The following INVS variants were observed in gnomAD, a reference collection of about 807,000 sequenced individuals.
INVS encodes the protein inversin.
In INVS, 86 loss-of-function variants were observed where a neutral mutation model predicts 108.8. That is an observed-to-expected ratio of 0.79 (90% CI 0.66 to 0.95). The LOEUF (loss-of-function observed/expected upper bound fraction) is 0.95. Among genes scored for constraint, INVS ranks in the 40% least tolerant of loss-of-function variants. The probability of loss-of-function intolerance (pLI) is 0.00; values close to 1 mark genes in which losing one functional copy is unlikely to be tolerated. For missense variants in INVS, 1,169 were observed against 1,297.4 expected (o/e 0.90, Z 1.52); for synonymous variants, 455 against 473.5 (o/e 0.96, Z 0.51).
chr9:100,285,288 T>C (rs539010760), intron 13 of INVS, among the ~76,000 whole-genome samples: 12 of 152,246 alleles, frequency 7.9e-5, no homozygotes, highest in Non-Finnish European at 1.8e-4. Context: ...AAATCCACTG[T>C]CATTCAAATT....
intron 3 of INVS, among the ~76,000 whole-genome samples, chr9:100,214,358 C>T (rs1830924726): frequency 2.0e-5 from 3 of 152,092 alleles, no homozygotes; most frequent in African/African-American, 2.4e-5. Context: ...AAAGCAACCC[C>T]CAAGCTCAAA....
At chr9:100,272,749 T>C (rs1270337550) in intron 11 of INVS, 115 bp from the exon 12 acceptor site, 1 of 990,466 alleles carries the variant, frequency 1.0e-6, no homozygotes, top group African/African-American at 1.6e-5. Context: ...GCCTGGGGAA[T>C]ATTCCACATC....
rs1830002025 is a variant in INVS, at chr9:100,184,633, A to G, written c.274-41429A>G. Among the ~76,000 whole-genome samples, 11 of 152,144 alleles carry G rather than the reference A, an allele frequency of 7.2e-5. No homozygotes were observed. The South Asian group carries it at 2.3e-3, about 31-fold the overall frequency. On this transcript the variant is annotated intron_variant, in intron 3 of 16. Transcript: ENST00000262457. ...TCCTGTTACTACAGTTCTTGAAAATAGTTGGGTGGCCTTTTGCTACATTGG... is the reference window on the plus strand; with the variant it reads ...TCCTGTTACTACAGTTCTTGAAAATGGTTGGGTGGCCTTTTGCTACATTGG...
chr9:100,269,280 G>T (rs1039396806), intron 11 of INVS, among the ~76,000 whole-genome samples: 1 of 152,054 alleles, frequency 6.6e-6, no homozygotes. Flanking sequence ...ATTCAATTTA[G>T]CTCTACTATT....
chr9:100,262,656 A>C (rs1303083611), intron 10 of INVS, among the ~76,000 whole-genome samples: 1 of 151,516 alleles, frequency 6.6e-6, no homozygotes, highest in East Asian at 1.9e-4. Flanking sequence ...AAAAAAAAAA[A>C]AAAAACTTGA....
intron 2 of INVS, among the ~76,000 whole-genome samples, chr9:100,115,279 T>C (rs889596791): frequency 6.7e-6 from 1 of 148,798 alleles, no homozygotes; most frequent in Non-Finnish European, 1.5e-5. Context: ...TTAATTTCTC[T>C]TTTTTTATTT....
chr9:100,166,484 CTG>C (rs1180860591), intron 3 of INVS, among the ~76,000 whole-genome samples: 1 of 152,132 alleles, frequency 6.6e-6, no homozygotes, highest in African/African-American at 2.4e-5. Flanking sequence ...GCTCCCACCA[CTG>C]TACTCTAGCC....
At chr9:100,181,252 T>G (rs921048929) in intron 3 of INVS, among the ~76,000 whole-genome samples, 5 of 150,792 alleles carry the variant, frequency 3.3e-5, no homozygotes, top group African/African-American at 9.7e-5. Flanking sequence ...CACTCCTGTA[T>G]TGGAAGTTCT....
In INVS at chr9:100,301,236, A is replaced by G. The variant is rs1234236138; in HGVS notation, c.*562A>G. 6.6e-6 allele frequency among the ~76,000 whole-genome samples: 1 copy of G among 151,932 alleles called. No homozygotes were observed. Among genetic ancestry groups the G allele is most frequent in the African/African-American group, 2.4e-5 (1 of 41,372 alleles). On this transcript the variant is annotated 3_prime_UTR_variant, in exon 17 of 17. Coordinates refer to ENST00000262457, the MANE Select transcript of INVS (RefSeq NM_014425.5). The stretch of plus-strand genomic sequence containing the variant: ...CAGGTTTAAATTTTAGATCAGAATC[A>G]TTGCCCACTGTTTTCATTTAGAAAT...
chr9:100,300,635 G>GCAAT lies in INVS; in HGVS notation c.3162_3165dup (p.Ala1056IlefsTer26), dbSNP rs763965216. The GCAAT allele has an allele frequency of 7.4e-6, 12 of 1,613,850 alleles. No homozygotes were observed. Among genetic ancestry groups the GCAAT allele is most frequent in the East Asian group, 2.2e-5 (1 of 44,882 alleles). On this transcript the variant is annotated frameshift_variant, in exon 17 of 17. Transcript: ENST00000262457. LOFTEE classifies it high-confidence loss of function. ...GATCAAAGAACTTTTCTTATAACCT[G>GCAAT]CAATCAGCTACTCAGCCAAAAAACA...
chr9:100,204,635 G>A (rs918646056), intron 3 of INVS, among the ~76,000 whole-genome samples: 1 of 152,076 alleles, frequency 6.6e-6, no homozygotes, highest in Non-Finnish European at 1.5e-5. Context: ...CCATAAAGAT[G>A]TGCTAATCCC....
chr9:100,150,778 A>G (rs1161840797), intron 3 of INVS, among the ~76,000 whole-genome samples: 1 of 152,076 alleles, frequency 6.6e-6, no homozygotes, highest in African/African-American at 2.4e-5. Context: ...TGGGCACGAC[A>G]TTTTTCCTAT....
chr9:100,106,733 G>A (rs1827194114), intron 2 of INVS, among the ~76,000 whole-genome samples: 2 of 152,226 alleles, frequency 1.3e-5, no homozygotes, highest in South Asian at 4.1e-4. Flanking sequence ...TCAACATGAT[G>A]CTTCTATTTC....
At chr9:100,156,361 A>T (rs535755985) in intron 3 of INVS, among the ~76,000 whole-genome samples, 1 of 150,106 alleles carries the variant, frequency 6.7e-6, no homozygotes, top group Non-Finnish European at 1.5e-5. Flanking sequence ...CCTGGGTTCA[A>T]GCAATTCTCC....
chr9:100,191,581 C>A (rs570468857), intron 3 of INVS, among the ~76,000 whole-genome samples: 2 of 152,172 alleles, frequency 1.3e-5, no homozygotes, highest in Admixed American at 1.3e-4. Context: ...TCACTCATAT[C>A]CTGAATTATT....
intron 2 of INVS, among the ~76,000 whole-genome samples, chr9:100,120,166 A>T (rs1169641699): frequency 1.3e-5 from 2 of 152,200 alleles, no homozygotes; most frequent in Non-Finnish European, 2.9e-5. Flanking sequence ...AGCACATGAT[A>T]ATAATTCAGA....
At chr9:100,280,015 C>A (rs918264877) in intron 12 of INVS, among the ~76,000 whole-genome samples, 1 of 152,152 alleles carries the variant, frequency 6.6e-6, no homozygotes, top group Admixed American at 6.6e-5. Flanking sequence ...AACCATCGTA[C>A]GTTCAAGTCA....
chr9:100,225,418 T>C (rs776379414), intron 3 of INVS, among the ~76,000 whole-genome samples: 1 of 152,184 alleles, frequency 6.6e-6, no homozygotes, highest in African/African-American at 2.4e-5. Context: ...TTAAGAAAAC[T>C]AATCATCCAT....
intron 8 of INVS, among the ~76,000 whole-genome samples, chr9:100,251,918 A>G (rs1832251623): frequency 1.3e-5 from 2 of 152,198 alleles, no homozygotes; most frequent in Admixed American, 1.3e-4. Flanking sequence ...AGAATTGTGT[A>G]CATCATTTAA....
Sources: allele counts gnomAD v4.1 joint callset (sites outside exome capture counted in the v4.1 genomes callset), GRCh38; gene constraint gnomAD v4.1.1; transcripts MANE v1.5; gene names NCBI Gene and HGNC (gene_info 2026-07-23, HGNC 2026-07-21).